The following EDAR variants were observed in gnomAD, a reference collection of about 807,000 sequenced individuals.
EDAR encodes the protein ectodysplasin A receptor.
A neutral mutation model predicts 51.3 loss-of-function variants in EDAR; 38 were observed. The ratio of observed to expected loss-of-function variants is 0.74; its 90% CI spans 0.57 to 0.97. EDAR has a LOEUF of 0.97. Ranked by LOEUF, EDAR falls within the 50% of genes least tolerant of loss-of-function variation. The pLI is 0.00. For synonymous variants in EDAR, 227 were observed against 242.1 expected (o/e 0.94, Z 0.58); for missense variants, 528 against 595.0 (o/e 0.89, Z 1.17).
intron 11 of EDAR, among the ~76,000 whole-genome samples, chr2:108,899,894 G>A (rs1696667624): frequency 6.6e-6 from 1 of 152,252 alleles, no homozygotes; most frequent in South Asian, 2.1e-4. Flanking sequence ...GCTGAGGCAG[G>A]AGAATCGCTT....
At position 108,906,190 on chromosome 2, in the gene EDAR, C is replaced by T. The variant is rs182738256; in HGVS notation, c.1024+118G>A. 9.8e-6 allele frequency: 10 copies of T among 1,022,540 alleles called. No homozygotes were observed. In the East Asian group the frequency reaches 1.9e-4, roughly 20 times the overall value. The allele number at this position is 1,022,540 out of a possible 1,614,324, so 63.3% of individuals were successfully genotyped here. A position where few individuals can be genotyped will look rare whatever the true frequency, so the allele number is the denominator to read the frequency against. On this transcript the variant is annotated intron_variant, in intron 11 of 11. Transcript: ENST00000258443. ...TCCAGCGGCCATTCTGACCAAAGTG[C>T]GGCAACTGGATGGGCGGCTTCCCTC...
chr2:108,909,228 A>G (rs903666443), intron 9 of EDAR, among the ~76,000 whole-genome samples: 1 of 152,192 alleles, frequency 6.6e-6, no homozygotes, highest in Non-Finnish European at 1.5e-5. Context: ...TTCTGGGAAT[A>G]AGAAAAGCCT....
At chr2:108,948,966 A>C (rs1246900493) in intron 1 of EDAR, among the ~76,000 whole-genome samples, 1 of 152,154 alleles carries the variant, frequency 6.6e-6, no homozygotes, top group Non-Finnish European at 1.5e-5. Flanking sequence ...AAAACTTAAA[A>C]AAATTAGTTA....
At chr2:108,898,943 G>C (rs1266474710) in intron 11 of EDAR, among the ~76,000 whole-genome samples, 1 of 152,150 alleles carries the variant, frequency 6.6e-6, no homozygotes, top group Non-Finnish European at 1.5e-5. Flanking sequence ...TATAACAGAA[G>C]AGCTAACATT....
At chr2:108,928,275 C>T (rs780124698) in intron 4 of EDAR, among the ~76,000 whole-genome samples, 1 of 152,188 alleles carries the variant, frequency 6.6e-6, no homozygotes, top group African/African-American at 2.4e-5. Flanking sequence ...CCTAGTCCTA[C>T]TTCTTAGCCT....
At chr2:108,899,262 C>G (rs1696657421) in intron 11 of EDAR, among the ~76,000 whole-genome samples, 1 of 152,196 alleles carries the variant, frequency 6.6e-6, no homozygotes, top group Non-Finnish European at 1.5e-5. Flanking sequence ...AGAAGTAGCA[C>G]AGTATTTCCA....
Position 108,923,553 on chromosome 2 carries a change from A to G in EDAR, c.357-100T>C, listed in dbSNP as rs149933447. The stretch of plus-strand genomic sequence containing the variant: ...ACGGTGGCCAGTCTGCAGGCCCACA[A>G]TCAAGTCGGGCATGAGGCCACGCCC... On this transcript the variant is annotated intron_variant, in intron 4 of 11. Transcript: ENST00000258443. The G allele has an allele frequency of 5.2e-4, 567 of 1,097,116 alleles. 9 individuals carry two copies. In the East Asian group the frequency reaches 0.013, roughly 25 times the overall value. 68.0% of individuals were successfully genotyped at this position (1,097,116 alleles called of 1,614,324 possible).
chr2:108,898,304 C>G (rs915966663), intron 11 of EDAR, among the ~76,000 whole-genome samples: 2 of 152,090 alleles, frequency 1.3e-5, no homozygotes, highest in African/African-American at 4.8e-5. Context: ...CTCCTCTGCC[C>G]CCGTGGTGAC....
intron 1 of EDAR, among the ~76,000 whole-genome samples, chr2:108,961,802 G>A (rs554553995): frequency 6.6e-6 from 1 of 152,118 alleles, no homozygotes; most frequent in South Asian, 2.1e-4. Context: ...CTGCTCTCTC[G>A]TGACCTGAGC....
At chr2:108,933,030 G>C (rs780021159) in intron 1 of EDAR, among the ~76,000 whole-genome samples, 1 of 152,184 alleles carries the variant, frequency 6.6e-6, no homozygotes, top group South Asian at 2.1e-4. Context: ...AAGATGGTAC[G>C]CTTGTTTATC....
intron 1 of EDAR, among the ~76,000 whole-genome samples, chr2:108,959,388 C>G (rs17034673): frequency 0.024 from 3,663 of 152,346 alleles, 150 homozygotes; most frequent in African/African-American, 0.083. Context: ...TCCCCAGTGT[C>G]TGTAATGCAG....
Position 108,956,737 on chromosome 2 carries a change from G to A in EDAR, c.-18-25705C>T, listed in dbSNP as rs530715489. ...ATCCCTCCTTGTCCTGGACTTTTACGATTAGGATCCCAAGTTTTGAAGCTC... is the reference window on the plus strand; with the variant it reads ...ATCCCTCCTTGTCCTGGACTTTTACAATTAGGATCCCAAGTTTTGAAGCTC... On this transcript the variant is annotated intron_variant, in intron 1 of 11. Coordinates refer to ENST00000258443, the MANE Select transcript of EDAR (RefSeq NM_022336.4). Among the ~76,000 whole-genome samples the A allele has an allele frequency of 4.6e-5, 7 of 151,976 alleles. No individual in the cohort carries two copies. In the South Asian group the frequency reaches 1.2e-3, roughly 27 times the overall value.
Position 108,919,515 on chromosome 2 carries a change from C to T in EDAR, c.442+3853G>A, listed in dbSNP as rs572625551. ...CTGGGATTACAGGCAGGCACCACCACGCCCAGCTAATTTTGTATTTTTAGT... is the reference window on the plus strand; with the variant it reads ...CTGGGATTACAGGCAGGCACCACCATGCCCAGCTAATTTTGTATTTTTAGT... On this transcript the variant is annotated intron_variant, in intron 5 of 11. Coordinates refer to ENST00000258443, the MANE Select transcript of EDAR (RefSeq NM_022336.4). Among the ~76,000 whole-genome samples, 12 of 152,222 alleles carry T rather than the reference C, an allele frequency of 7.9e-5. No individual in the cohort carries two copies. In the South Asian group the frequency reaches 1.7e-3, roughly 21 times the overall value.
chr2:108,920,128 A>AAGTGCAG, intron 5 of EDAR, among the ~76,000 whole-genome samples: 1 of 152,300 alleles, frequency 6.6e-6, no homozygotes, highest in Middle Eastern at 3.4e-3. Flanking sequence ...TCAGTGAGGG[A>AAGTGCAG]AGTGCAGGCC....
At chr2:108,959,251 G>C (rs1697989313) in intron 1 of EDAR, among the ~76,000 whole-genome samples, 1 of 152,258 alleles carries the variant, frequency 6.6e-6, no homozygotes, top group African/African-American at 2.4e-5. Flanking sequence ...CAGAGGGGCT[G>C]ATGATGGCCT....
At chr2:108,933,003 A>G (rs1489901684) in intron 1 of EDAR, among the ~76,000 whole-genome samples, 1 of 152,166 alleles carries the variant, frequency 6.6e-6, no homozygotes, top group African/African-American at 2.4e-5. Flanking sequence ...GGGTGGGCAG[A>G]ATCCTGGCAG....
At chr2:108,918,444 C>T (rs770342886) in intron 5 of EDAR, among the ~76,000 whole-genome samples, 3 of 152,164 alleles carry the variant, frequency 2.0e-5, no homozygotes, top group Non-Finnish European at 2.9e-5. Flanking sequence ...TGGCCAACTG[C>T]GGGTCCATCT....
At chr2:108,939,535 G>T (rs1438720083) in intron 1 of EDAR, among the ~76,000 whole-genome samples, 1 of 152,144 alleles carries the variant, frequency 6.6e-6, no homozygotes, top group East Asian at 1.9e-4. Flanking sequence ...CTAAGAGTTA[G>T]CCAGGAATCA....
intron 1 of EDAR, among the ~76,000 whole-genome samples, chr2:108,967,419 G>C (rs1017671962): frequency 6.6e-6 from 1 of 152,210 alleles, no homozygotes; most frequent in African/African-American, 2.4e-5. Context: ...TGTGGGCTAA[G>C]AGCAGGAGCA....
Sources: allele counts gnomAD v4.1 joint callset (sites outside exome capture counted in the v4.1 genomes callset), GRCh38; gene constraint gnomAD v4.1.1; transcripts MANE v1.5; gene names NCBI Gene and HGNC (gene_info 2026-07-23, HGNC 2026-07-21).